LEO1: variants seen among roughly 807,000 people sequenced by gnomAD.
LEO1 encodes RNA polymerase-associated protein LEO1.
In LEO1, 34 loss-of-function variants were observed where a neutral mutation model predicts 80.4. The ratio of observed to expected loss-of-function variants is 0.42; its 90% CI spans 0.32 to 0.56. LEO1 has a LOEUF of 0.56. Among genes scored for constraint, LEO1 ranks in the 20% least tolerant of loss-of-function variants. LEO1 has a pLI of 0.10. For synonymous variants in LEO1, 262 were observed against 274.9 expected, an observed-to-expected ratio of 0.95 and a Z score of 0.46; for missense variants, 631 against 814.2, an observed-to-expected ratio of 0.77 and a Z score of 2.74.
In LEO1 at chr15:51,965,751, G is replaced by A; in HGVS notation, c.812C>T (p.Ser271Leu). ...SDDEEEQDHK[S>L]ESARGSDSED... ...TCTGGTTCTCATAAATGTATTACCTGATTTATGATCCTGTTCCTCTTCATC... is the reference window on the plus strand; with the variant it reads ...TCTGGTTCTCATAAATGTATTACCTAATTTATGATCCTGTTCCTCTTCATC... The change falls in exon 2 of 12, where the codon TCA (serine) becomes TTA (leucine). Residue 271 changes from serine to leucine, a missense_variant and splice_region_variant. This residue lies in a region of LEO1 where 394 missense variants were observed against 395.6 expected (regional missense o/e 1.00). Transcript: ENST00000299601. 1 of 1,602,260 alleles carries A rather than the reference G, an allele frequency of 6.2e-7. No homozygotes were observed. The highest frequency in any genetic ancestry group is 8.5e-7 in the Non-Finnish European group (1 of 1,174,748).
chr15:51,948,783 C>A (rs1566881498), intron 10 of LEO1, among the ~76,000 whole-genome samples: 1 of 152,138 alleles, frequency 6.6e-6, no homozygotes, highest in Non-Finnish European at 1.5e-5. Flanking sequence ...TGAGAGCGGG[C>A]AGGGTCAGAA....
chr15:51,949,195 G>C (rs2141753870), intron 10 of LEO1, among the ~76,000 whole-genome samples: 1 of 152,288 alleles, frequency 6.6e-6, no homozygotes. Context: ...AAGAATGAAA[G>C]AAAATATCAC....
At chr15:51,956,292 T>A (rs1464281485) in intron 6 of LEO1, among the ~76,000 whole-genome samples, 1 of 152,002 alleles carries the variant, frequency 6.6e-6, no homozygotes, top group Non-Finnish European at 1.5e-5. Context: ...TGGTGGCATG[T>A]GCCTGTAATT....
At chr15:51,945,319 A>G (rs1271555135) in intron 11 of LEO1, among the ~76,000 whole-genome samples, 4 of 147,350 alleles carry the variant, frequency 2.7e-5, no homozygotes, top group Non-Finnish European at 4.5e-5. Flanking sequence ...ACCTGGCCCT[A>G]TCATATTTCT....
intron 5 of LEO1, among the ~76,000 whole-genome samples, 194 bp from the exon 6 acceptor site, chr15:51,959,020 G>A (rs1039152220): frequency 1.2e-5 from 1 of 80,648 alleles, no homozygotes; most frequent in East Asian, 3.5e-4. Context: ...TTTTTTTTTT[G>A]AGACCGAGCT....
At chr15:51,939,168 G>A (rs2056826526) in intron 11 of LEO1, among the ~76,000 whole-genome samples, 1 of 152,178 alleles carries the variant, frequency 6.6e-6, no homozygotes, top group African/African-American at 2.4e-5. Flanking sequence ...CTGGGCAACA[G>A]AGCAAGCAAG....
intron 11 of LEO1, among the ~76,000 whole-genome samples, chr15:51,942,148 T>A (rs2056858033): frequency 6.6e-6 from 1 of 152,222 alleles, no homozygotes; most frequent in Non-Finnish European, 1.5e-5. Flanking sequence ...CTCCCATTCC[T>A]TATTCCATTG....
intron 4 of LEO1, 105 bp from the exon 5 acceptor site, chr15:51,960,149 T>C (rs994994722): frequency 1.6e-5 from 15 of 915,124 alleles, no homozygotes; most frequent in Admixed American, 1.1e-4. Flanking sequence ...TAATTAGATA[T>C]CACTTTAGGA....
chr15:51,947,465 G>A, intron 10 of LEO1, 76 bp from the exon 11 acceptor site: 2 of 971,384 alleles, frequency 2.1e-6, no homozygotes, highest in Admixed American at 3.9e-5. Context: ...GCCCAGGCTG[G>A]AGTGCAGTGG....
At chr15:51,947,643 T>A (rs1885167791) in intron 10 of LEO1, among the ~76,000 whole-genome samples, 1 of 151,460 alleles carries the variant, frequency 6.6e-6, no homozygotes, top group African/African-American at 2.4e-5. Flanking sequence ...AGGCTGGTCT[T>A]GAACTTCCTA....
At chr15:51,939,678 G>GA (rs924440308) in intron 11 of LEO1, among the ~76,000 whole-genome samples, 1 of 152,180 alleles carries the variant, frequency 6.6e-6, no homozygotes, top group Non-Finnish European at 1.5e-5. Flanking sequence ...ATTTCCAAAG[G>GA]AAAAATCTTA....
rs117529579 is a variant in LEO1 at position 51,970,208 on chromosome 15, G to A, written c.58+1480C>T. 9.0e-4 allele frequency among the ~76,000 whole-genome samples: 137 copies of A among 152,296 alleles called. 2 individuals carry two copies. The East Asian group carries it at 0.024, about 27-fold the overall frequency. On this transcript the variant is annotated intron_variant, in intron 1 of 11. Coordinates refer to ENST00000299601, the MANE Select transcript of LEO1 (RefSeq NM_138792.4). Reference sequence around the variant, plus strand: ...GTCTCACTTTATCACCCAGGTTGAAGTGAAGTGATGCAATCTCAGCTCACT... The same window carrying A: ...GTCTCACTTTATCACCCAGGTTGAAATGAAGTGATGCAATCTCAGCTCACT...
intron 6 of LEO1, among the ~76,000 whole-genome samples, chr15:51,957,106 C>A (rs2570271): frequency 0.44 from 66,673 of 151,814 alleles, 14,859 homozygotes; most frequent in Admixed American, 0.52. Flanking sequence ...TACAGATATG[C>A]GGCACCATGC....
Position 51,966,446 on chromosome 15 carries a change from A to T in LEO1, c.117T>A (p.Asn39Lys). Reference protein sequence around the residue: ...SDQENAASGSNASGSESDQDE... With the variant: ...SDQENAASGSKASGSESDQDE... ...CCTGATCACTTTCACTTCCAGAGGC[A>T]TTACTGCCAGAGGCAGCATTCTCTT... is the stretch of plus-strand genomic sequence containing the variant. The change falls in exon 2 of 12, where the codon AAT becomes AAA. Residue 39 changes from asparagine (N) to lysine (K), a missense_variant. Physicochemically the swap from Asn to Lys is moderately conservative, Grantham distance 94. Transcript: ENST00000299601. The T allele has an allele frequency of 6.2e-7, 1 of 1,613,882 alleles. No homozygotes were observed. The highest frequency in any genetic ancestry group is 2.2e-5 in the East Asian group (1 of 44,882).
intron 11 of LEO1, 57 bp from the exon 12 acceptor site, chr15:51,938,317 GT>G: frequency 1.9e-6 from 2 of 1,069,276 alleles, no homozygotes; most frequent in Non-Finnish European, 2.8e-6. Context: ...TTTTAGGATG[GT>G]TTATGAAAAG....
At chr15:51,959,748 T>TC (rs1430539905) in intron 5 of LEO1, 151 bp downstream of exon 5, 1 of 607,940 alleles carries the variant, frequency 1.6e-6, no homozygotes, top group Non-Finnish European at 2.7e-6. Flanking sequence ...ACATATTTTT[T>TC]CTATCTCAGG....
At chr15:51,940,760 C>CA (rs796168382) in intron 11 of LEO1, among the ~76,000 whole-genome samples, 80 of 134,662 alleles carry the variant, frequency 5.9e-4, no homozygotes, top group South Asian at 1.4e-3. Context: ...TTGTCTTTAC[C>CA]AAAAAAAAAA....
At chr15:51,953,059 G>A (rs927985381) in intron 8 of LEO1, 70 bp downstream of exon 8, 4 of 1,273,802 alleles carry the variant, frequency 3.1e-6, no homozygotes, top group Non-Finnish European at 3.3e-6. Context: ...CAGGTGGCAG[G>A]CATTACAGAA....
rs1198016798 is a variant in LEO1 at position 51,962,472 on chromosome 15, C to G, written c.836G>C (p.Ser279Thr). ...TTTCATTCGTAAAACTTCATCTTCA[C>G]TATCACTGCCTCTTGCAGATTCTAT... Reference protein sequence around the residue: ...HKSESARGSDSEDEVLRMKRK... With the variant: ...HKSESARGSDTEDEVLRMKRK... The change falls in exon 3 of 12, where the codon AGT (serine) becomes ACT (threonine). Residue 279 changes from serine (S) to threonine (T), a missense_variant. Coordinates refer to ENST00000299601, the MANE Select transcript of LEO1 (RefSeq NM_138792.4). 1.2e-6 allele frequency: 2 copies of G among 1,612,320 alleles called. No individual in the cohort carries two copies. Among genetic ancestry groups the G allele is most frequent in the East Asian group, 2.2e-5 (1 of 44,864 alleles).
Sources: gnomAD v4.1 joint callset for allele counts (sites outside exome capture counted in the v4.1 genomes callset) on GRCh38, gnomAD v4.1.1 for gene constraint, gnomAD v4.1.1 regional missense constraint, MANE v1.5 for transcripts, NCBI Gene and HGNC (gene_info 2026-07-23, HGNC 2026-07-21) for gene names.